CHST8: variants seen among roughly 807,000 people sequenced by gnomAD.
The protein encoded by CHST8 is carbohydrate sulfotransferase 8, also known as GALNAC-4-ST1.
In CHST8, 10 loss-of-function variants were observed where a neutral mutation model predicts 15.0. That is an observed-to-expected ratio of 0.67 (90% CI 0.41 to 1.13). CHST8 has a LOEUF of 1.13. CHST8 is among the 50% of genes most tolerant of loss of function. The pLI is 0.00. For missense variants in CHST8, 634 were observed against 608.2 expected, an observed-to-expected ratio of 1.04 and a Z score of -0.45; for synonymous variants, 259 against 256.6, an observed-to-expected ratio of 1.01 and a Z score of -0.09.
At chr19:33,714,124 T>A (rs1169108990) in intron 3 of CHST8, among the ~76,000 whole-genome samples, 1 of 152,138 alleles carries the variant, frequency 6.6e-6, no homozygotes, top group Non-Finnish European at 1.5e-5. Flanking sequence ...AAAACTACCA[T>A]TTGATCCCGC....
chr19:33,772,921 C>T lies in CHST8; in HGVS notation c.1133C>T (p.Ser378Leu). ...TTCCCCCGGTTCAAGGACCGGCACT[C>T]GCAGGAGGCGCGGACCACAGCGAGG... ...LTFPRFKDRH[S>L]QEARTTARIA... Residue 378 changes from serine to leucine, a missense_variant, in exon 5 of 5, where the codon TCG (serine) becomes TTG (leucine). By Grantham distance (145) the Ser-to-Leu change is moderately radical. Coordinates refer to ENST00000650847, the MANE Select transcript of CHST8 (RefSeq NM_001127895.2). 1 of 1,613,466 alleles carries T rather than the reference C, an allele frequency of 6.2e-7. No homozygotes were observed. The highest frequency in any genetic ancestry group is 8.5e-7 in the Non-Finnish European group (1 of 1,180,034).
intron 3 of CHST8, among the ~76,000 whole-genome samples, chr19:33,708,697 G>A (rs1332049368): frequency 2.0e-5 from 3 of 152,032 alleles, no homozygotes; most frequent in African/African-American, 7.3e-5. Flanking sequence ...AACCATTTTG[G>A]GTATTCTGAG....
intron 1 of CHST8, among the ~76,000 whole-genome samples, chr19:33,657,166 T>C (rs941597773): frequency 7.3e-6 from 1 of 136,978 alleles, no homozygotes; most frequent in East Asian, 2.0e-4. Flanking sequence ...CAAACACACA[T>C]ATACTTATAC....
intron 2 of CHST8, among the ~76,000 whole-genome samples, chr19:33,674,518 C>T (rs888971635): frequency 8.5e-5 from 13 of 152,174 alleles, no homozygotes; most frequent in Non-Finnish European, 1.8e-4. Flanking sequence ...CTCAGCCCCA[C>T]GTTTGACTTT....
intron 3 of CHST8, among the ~76,000 whole-genome samples, chr19:33,759,781 T>C (rs555881369): frequency 1.3e-5 from 2 of 152,218 alleles, no homozygotes; most frequent in Non-Finnish European, 2.9e-5. Context: ...CGTCTCCCTC[T>C]GCAGTCAGCC....
chr19:33,726,558 A>G (rs1025105702), intron 3 of CHST8, among the ~76,000 whole-genome samples: 2 of 151,656 alleles, frequency 1.3e-5, no homozygotes, highest in African/African-American at 4.9e-5. Context: ...ATAATAATAA[A>G]AGTGTGAGCA....
In CHST8 at chr19:33,773,446, T is replaced by G; in HGVS notation, c.*383T>G. On this transcript the variant is annotated 3_prime_UTR_variant, in exon 5 of 5. Transcript: ENST00000650847. ...CAAACCACGTGGTTTGCAGCTTTTC[T>G]ACGAGCCAGGGGGGAGGTTCCCTTG... 1 of 214,492 alleles carries G rather than the reference T, an allele frequency of 4.7e-6. No individual in the cohort carries two copies. Among genetic ancestry groups the G allele is most frequent in the East Asian group, 1.1e-4 (1 of 9,174 alleles). 13.3% of individuals were successfully genotyped at this position (214,492 alleles called of 1,614,324 possible).
intron 1 of CHST8, among the ~76,000 whole-genome samples, chr19:33,659,473 A>G (rs1490479823): frequency 2.0e-5 from 3 of 152,176 alleles, no homozygotes; most frequent in African/African-American, 7.2e-5. Flanking sequence ...AAAATGTGAG[A>G]GGGAGTGCCA....
rs775336677 is a variant in CHST8, at chr19:33,772,204, C to A, written c.416C>A (p.Pro139His). The change falls in exon 5 of 5, where the codon CCC (proline) becomes CAC (histidine). Residue 139 changes from proline (P) to histidine (H), a missense_variant. Coordinates refer to ENST00000650847, the MANE Select transcript of CHST8 (RefSeq NM_001127895.2). ...SSDAPFIRPG[P>H]GTLDGRWVSL... ...GACGCGCCCTTCATCCGGCCGGGAC[C>A]CGGGACGCTGGATGGCCGCTGGGTC... The A allele has an allele frequency of 8.8e-6, 14 of 1,594,558 alleles. No homozygotes were observed. The African/African-American group carries it at 1.7e-4, about 20-fold the overall frequency.
chr19:33,671,914 G>A (rs1972743486), intron 2 of CHST8, among the ~76,000 whole-genome samples: 7 of 151,974 alleles, frequency 4.6e-5, no homozygotes, highest in Admixed American at 4.6e-4. Context: ...TACCTCCAGA[G>A]GGGAGGAGGG....
chr19:33,762,548 C>T (rs1306514192), intron 3 of CHST8, among the ~76,000 whole-genome samples: 1 of 152,264 alleles, frequency 6.6e-6, no homozygotes, highest in Non-Finnish European at 1.5e-5. Context: ...CAGGAAGATG[C>T]AGGCTCCGCT....
chr19:33,677,032 C>T (rs1972818946), intron 2 of CHST8, among the ~76,000 whole-genome samples: 2 of 152,154 alleles, frequency 1.3e-5, no homozygotes, highest in Admixed American at 6.5e-5. Context: ...CTGCTTCAAA[C>T]AGCTGCTCAC....
At chr19:33,644,569 T>TA (rs968995160) in intron 1 of CHST8, among the ~76,000 whole-genome samples, 32 of 149,118 alleles carry the variant, frequency 2.1e-4, no homozygotes, top group East Asian at 2.0e-3. Flanking sequence ...ACTCCGTCTC[T>TA]AAAAAAAAAA....
chr19:33,772,430 C>T lies in CHST8; in HGVS notation c.642C>T (p.Gly214=). 6.2e-7 allele frequency: 1 copy of T among 1,611,168 alleles called. No individual in the cohort carries two copies. The highest frequency in any genetic ancestry group is 2.2e-5 in the East Asian group (1 of 44,876). ...NWKRVLMVLA[G]LASSTADIQH... ...AGCGGGTGCTCATGGTGCTGGCCGGCCTGGCCTCGTCCACTGCCGACATCC... is the reference window on the plus strand; with the variant it reads ...AGCGGGTGCTCATGGTGCTGGCCGGTCTGGCCTCGTCCACTGCCGACATCC... The change falls in exon 5 of 5, where the codon GGC becomes GGT. Residue 214 remains glycine (G), a synonymous_variant. Coordinates refer to ENST00000650847, the MANE Select transcript of CHST8 (RefSeq NM_001127895.2).
At chr19:33,720,064 C>CA (rs1231883285) in intron 3 of CHST8, among the ~76,000 whole-genome samples, 1 of 152,128 alleles carries the variant, frequency 6.6e-6, no homozygotes, top group Non-Finnish European at 1.5e-5. Flanking sequence ...GCTGTCTGTA[C>CA]ACACAGCTCC....
chr19:33,771,059 G>A (rs1211381110), intron 3 of CHST8, among the ~76,000 whole-genome samples: 1 of 152,182 alleles, frequency 6.6e-6, no homozygotes, highest in African/African-American at 2.4e-5. Context: ...ACATGGTGGG[G>A]TGCAGGAGGA....
At chr19:33,769,224 C>T (rs544410204) in intron 3 of CHST8, among the ~76,000 whole-genome samples, 1 of 152,360 alleles carries the variant, frequency 6.6e-6, no homozygotes, top group South Asian at 2.1e-4. Flanking sequence ...CCTCAACAAG[C>T]ACATGGCCTT....
intron 3 of CHST8, among the ~76,000 whole-genome samples, chr19:33,756,284 G>A (rs1418016673): frequency 6.6e-6 from 1 of 152,220 alleles, no homozygotes; most frequent in Non-Finnish European, 1.5e-5. Context: ...GCTGGCGTTA[G>A]GCGGTGACGT....
At position 33,658,680 on chromosome 19, in the gene CHST8, T is replaced by C. The variant is rs549706364; in HGVS notation, c.-163-9087T>C. 3.3e-5 allele frequency among the ~76,000 whole-genome samples: 5 copies of C among 152,312 alleles called. No homozygotes were observed. The South Asian group carries it at 1.0e-3, about 32-fold the overall frequency. On this transcript the variant is annotated intron_variant, in intron 1 of 4. Coordinates refer to ENST00000650847, the MANE Select transcript of CHST8 (RefSeq NM_001127895.2). ...GTAAGTCTCTTTTCTTCCTGTAAAC[T>C]TTGAGGTTTTTCTCTTTGTTTTGAT...
Sources: allele counts gnomAD v4.1 joint callset (sites outside exome capture counted in the v4.1 genomes callset), GRCh38; gene constraint gnomAD v4.1.1; transcripts MANE v1.5; gene names NCBI Gene and HGNC (gene_info 2026-07-23, HGNC 2026-07-21).